CFAP65: variants seen among roughly 807,000 people sequenced by gnomAD.
CFAP65 encodes the protein cilia- and flagella-associated protein 65.
Under a neutral mutation model 208.0 loss-of-function variants are expected in CFAP65, and 155 were observed. That is an observed-to-expected ratio of 0.75 (90% CI 0.65 to 0.85). The LOEUF is 0.85. Ranked by LOEUF, CFAP65 falls within the 40% of genes least tolerant of loss-of-function variation. CFAP65 has a pLI of 0.00. For missense variants in CFAP65, 2,294 were observed against 2,451.3 expected (o/e 0.94, Z 1.36); for synonymous variants, 970 against 986.3 (o/e 0.98, Z 0.31).
Position 219,003,303 on chromosome 2 carries a change from G to A in CFAP65, c.5556-31C>T. 3 of 1,491,680 alleles carry A rather than the reference G, an allele frequency of 2.0e-6. No homozygotes were observed. Among genetic ancestry groups the A allele is most frequent in the Non-Finnish European group, 2.7e-6 (3 of 1,118,896 alleles). The allele number at this position is 1,491,680 out of a possible 1,614,324, so 92.4% of individuals were successfully genotyped here. A position where few individuals can be genotyped will look rare whatever the true frequency, so the allele number is the denominator to read the frequency against. ...AGGGGGCGGGGGCTAGCATGAGGGCGGCCGCAGTGCCCGCGCGCCTCCTCG... is the reference window on the plus strand; with the variant it reads ...AGGGGGCGGGGGCTAGCATGAGGGCAGCCGCAGTGCCCGCGCGCCTCCTCG... On this transcript the variant is annotated intron_variant, in intron 33 of 34. Coordinates refer to ENST00000341552, the MANE Select transcript of CFAP65 (RefSeq NM_194302.4). The surrounding 1 kb of genome is among the most constrained non-coding windows in gnomAD (Gnocchi z 4.4).
At position 219,013,012 on chromosome 2, in the gene CFAP65, G is replaced by GA. The variant is rs368355063; in HGVS notation, c.3957+246dup. Among the ~76,000 whole-genome samples, 24 of 151,326 alleles carry GA rather than the reference G, an allele frequency of 1.6e-4. 1 individual carries two copies. The highest frequency in any genetic ancestry group is 3.6e-4 in the African/African-American group (15 of 41,284). Reference sequence around the variant, plus strand: ...AAGTTTGAAGAACATTTTGCTAAAGGAAAAAAAAATCCTCATTTTTTAATT... The same window carrying GA: ...AAGTTTGAAGAACATTTTGCTAAAGGAAAAAAAAAATCCTCATTTTTTAATT... On this transcript the variant is annotated intron_variant, in intron 24 of 34. Transcript: ENST00000341552.
chr2:219,032,565 TG>T lies in CFAP65; in HGVS notation c.549del (p.Lys184ArgfsTer15). The T allele has an allele frequency of 2.5e-6, 4 of 1,597,502 alleles. No homozygotes were observed. The highest frequency in any genetic ancestry group is 1.7e-5 in the Admixed American group (1 of 57,704). Reference sequence around the variant, plus strand: ...ATGACCGTGAAGAAGAACTTGGTCTTGGGGGGCCTGCAGGAGAGAGCCGGTG... The same window carrying T: ...ATGACCGTGAAGAAGAACTTGGTCTTGGGGGCCTGCAGGAGAGAGCCGGTG... ...LKLQKMKYRPPKTKFFFTVIP... is the reference protein window; with the variant it reads ...LKLQKMKYRPXKTKFFFTVIP... On this transcript the variant is annotated frameshift_variant, in exon 6 of 35. Coordinates refer to ENST00000341552, the MANE Select transcript of CFAP65 (RefSeq NM_194302.4). LOFTEE classifies it high-confidence loss of function. The surrounding 1 kb of genome is among the most constrained non-coding windows in gnomAD (Gnocchi z 5.5).
At chr2:219,026,261 A>T (rs1485661176) in intron 13 of CFAP65, 102 bp from the exon 14 acceptor site, 1 of 1,280,744 alleles carries the variant, frequency 7.8e-7, no homozygotes, top group Non-Finnish European at 1.1e-6. Flanking sequence ...GGAGTCTGAC[A>T]TTGGACACAG....
intron 5 of CFAP65, chr2:219,034,994 C>T (rs529949839): frequency 5.5e-5 from 13 of 238,000 alleles, no homozygotes; most frequent in African/African-American, 1.8e-4. Context: ...CCCAAGCCTC[C>T]GCAATTCTAC....
intron 29 of CFAP65, among the ~76,000 whole-genome samples, chr2:219,008,564 G>A (rs867133022): frequency 3.9e-5 from 6 of 152,206 alleles, no homozygotes; most frequent in African/African-American, 1.4e-4. Flanking sequence ...GGCCAACATG[G>A]TGAAACCCCA....
At chr2:219,025,629 C>T (rs569418879) in intron 14 of CFAP65, among the ~76,000 whole-genome samples, 1 of 152,254 alleles carries the variant, frequency 6.6e-6, no homozygotes, top group African/African-American at 2.4e-5. Flanking sequence ...AGGGTGCTTC[C>T]CAAAGGCAGG....
intron 19 of CFAP65, 117 bp from the exon 20 acceptor site, chr2:219,019,836 G>T (rs1947161753): frequency 1.4e-6 from 1 of 739,932 alleles, no homozygotes; most frequent in Non-Finnish European, 2.3e-6. Context: ...CTCATCAGGA[G>T]CAGTGGACCC....
intron 8 of CFAP65, 123 bp from the exon 9 acceptor site, chr2:219,030,957 A>C: frequency 6.9e-7 from 1 of 1,448,730 alleles, no homozygotes. Context: ...CATGGAAGAC[A>C]AAAGGCAAAG....
intron 21 of CFAP65, among the ~76,000 whole-genome samples, chr2:219,017,318 G>C (rs896789511): frequency 6.6e-6 from 1 of 152,268 alleles, no homozygotes; most frequent in African/African-American, 2.4e-5. Context: ...GCGCGAAGGG[G>C]AGAAGGCGTG....
In CFAP65 at chr2:219,004,037, C is replaced by T. The variant is rs756774974; in HGVS notation, c.5470G>A (p.Glu1824Lys). The T allele has an allele frequency of 1.9e-6, 3 of 1,614,106 alleles. No individual in the cohort carries two copies. The highest frequency in any genetic ancestry group is 2.5e-6 in the Non-Finnish European group (3 of 1,180,038). Residue 1824 changes from glutamate to lysine, a missense_variant, in exon 33 of 35, where the codon GAG becomes AAG. Physicochemically the swap from Glu to Lys is moderately conservative, Grantham distance 56. This residue lies in a region of CFAP65 where 1,427 missense variants were observed against 1,438.7 expected (regional missense o/e 0.99). Coordinates refer to ENST00000341552, the MANE Select transcript of CFAP65 (RefSeq NM_194302.4). This position sits in a 1 kb window ranked among gnomAD's most constrained non-coding sequence, Gnocchi z 4.7. ...TGTTGCCACTGCCATTGCATGGACT[C>T]CTGGGACTCAGGCTGTGGTGTGGGC... ...IGPTPQPESQESMQWQWQQQL... is the reference protein window; with the variant it reads ...IGPTPQPESQKSMQWQWQQQL...
In CFAP65 at chr2:219,010,749, C is replaced by T. The variant is rs772196566; in HGVS notation, c.4150-45G>A. 3 of 1,585,708 alleles carry T rather than the reference C, an allele frequency of 1.9e-6. No individual in the cohort carries two copies. In the South Asian group the frequency reaches 3.4e-5, roughly 18 times the overall value. ...GGGGTAGGGACTGGTCAGAGGGAGG[C>T]CTGCTGAGGAAGCCAGCACCACCCC... On this transcript the variant is annotated intron_variant, in intron 25 of 34. Coordinates refer to ENST00000341552, the MANE Select transcript of CFAP65 (RefSeq NM_194302.4).
Position 219,004,527 on chromosome 2 carries a change from G to A in CFAP65, c.5052-72C>T. 6.6e-6 allele frequency: 10 copies of A among 1,512,544 alleles called. No individual in the cohort carries two copies. 93.7% of individuals were successfully genotyped at this position (1,512,544 alleles called of 1,614,324 possible). On this transcript the variant is annotated intron_variant, in intron 32 of 34. Coordinates refer to ENST00000341552, the MANE Select transcript of CFAP65 (RefSeq NM_194302.4). This position sits in a 1 kb window ranked among gnomAD's most constrained non-coding sequence, Gnocchi z 4.7. ...GCCCCTGGGGAGCCCTGGCTTCAGA[G>A]CTAGGTTCTAGGTGGGAAAGGGGCT... is the stretch of plus-strand genomic sequence containing the variant.
At chr2:219,024,794 G>A (rs1947524203) in intron 14 of CFAP65, among the ~76,000 whole-genome samples, 1 of 152,176 alleles carries the variant, frequency 6.6e-6, no homozygotes, top group Non-Finnish European at 1.5e-5. Flanking sequence ...AAATTAGCCA[G>A]TTGTAGTGGC....
At chr2:219,021,524 C>G (rs960765962) in intron 18 of CFAP65, among the ~76,000 whole-genome samples, 3 of 152,174 alleles carry the variant, frequency 2.0e-5, no homozygotes, top group Non-Finnish European at 2.9e-5. Context: ...CCTGGTGCCC[C>G]TTTTAACAGA....
intron 13 of CFAP65, chr2:219,027,443 C>A (rs1947701189): frequency 6.5e-7 from 1 of 1,527,820 alleles, no homozygotes; most frequent in Non-Finnish European, 8.8e-7. Flanking sequence ...GGGAGACTTA[C>A]ATAAGAATGA....
In CFAP65 at chr2:219,031,309, G is replaced by C. The variant is rs374266536; in HGVS notation, c.816-4C>G. On this transcript the variant is annotated splice_region_variant and splice_polypyrimidine_tract_variant and intron_variant, in intron 7 of 34. Coordinates refer to ENST00000341552, the MANE Select transcript of CFAP65 (RefSeq NM_194302.4). This position sits in a 1 kb window ranked among gnomAD's most constrained non-coding sequence, Gnocchi z 5.2. ...GGTGAAGAAGGTGGGCAGGTCCCTG[G>C]GGGTGGGGGGCAGGTCAGGGCACTG... is the stretch of plus-strand genomic sequence containing the variant. The C allele has an allele frequency of 1.9e-6, 3 of 1,613,414 alleles. No homozygotes were observed. In the South Asian group the frequency reaches 3.3e-5, roughly 18 times the overall value.
In CFAP65 at chr2:219,027,601, G is replaced by A. The variant is rs781216376; in HGVS notation, c.2211+49C>T. On this transcript the variant is annotated intron_variant, in intron 13 of 34. Transcript: ENST00000341552. ...TCCTGCCACCCCACCAAGCCACTCA[G>A]GCTCCTAGCAGAGACCCCGCATTCC... The A allele has an allele frequency of 7.4e-5, 120 of 1,613,118 alleles. No homozygotes were observed. The highest frequency in any genetic ancestry group is 3.3e-4 in the Middle Eastern group (2 of 6,084).
At position 219,032,529 on chromosome 2, in the gene CFAP65, T is replaced by C; in HGVS notation, c.586A>G (p.Ile196Val). Residue 196 changes from isoleucine to valine, a missense_variant, in exon 6 of 35, where the codon ATC (isoleucine) becomes GTC (valine). This residue lies in a region of CFAP65 where 867 missense variants were observed against 1,012.6 expected (regional missense o/e 0.86). Transcript: ENST00000341552. This position sits in a 1 kb window ranked among gnomAD's most constrained non-coding sequence, Gnocchi z 5.5. ...KFFFTVIPQP[I>V]FLSPGITLTL... ...AGGGTTATGCCTGGGCTCAGGAAGA[T>C]GGGCTGAGGGATGACCGTGAAGAAG... 1.2e-6 allele frequency: 2 copies of C among 1,607,372 alleles called. No individual in the cohort carries two copies. The highest frequency in any genetic ancestry group is 1.7e-6 in the Non-Finnish European group (2 of 1,177,128).
intron 10 of CFAP65, 42 bp downstream of exon 10, chr2:219,029,944 G>T (rs766610319): frequency 4.4e-5 from 69 of 1,572,782 alleles, no homozygotes; most frequent in Non-Finnish European, 5.8e-5. Context: ...CTCAGCAGGG[G>T]CTGCTCCTGT....
Sources: gnomAD v4.1 joint callset for allele counts (sites outside exome capture counted in the v4.1 genomes callset) on GRCh38, gnomAD v4.1.1 for gene constraint, gnomAD v4.1.1 regional missense constraint, Gnocchi (gnomAD v3.1) non-coding constraint, MANE v1.5 for transcripts, NCBI Gene and HGNC (gene_info 2026-07-23, HGNC 2026-07-21) for gene names.